Variants in LRRC47 observed in about 807,000 individuals in gnomAD.
The protein encoded by LRRC47 is leucine rich repeat containing 47, also known as leucine-rich repeat-containing protein 47.
Under a neutral mutation model 40.9 loss-of-function variants are expected in LRRC47, and 31 were observed. The ratio of observed to expected loss-of-function variants is 0.76; its 90% CI spans 0.57 to 1.02. The LOEUF is 1.02. Among genes scored for constraint, LRRC47 ranks in the 50% least tolerant of loss-of-function variants. The probability of loss-of-function intolerance (pLI) is 0.00; values close to 1 mark genes in which losing one functional copy is unlikely to be tolerated. For synonymous variants in LRRC47, 427 were observed against 371.9 expected (o/e 1.15, Z -1.70); for missense variants, 726 against 796.1 (o/e 0.91, Z 1.06).
chr1:3,785,288 T>G, intron 2 of LRRC47, 85 bp from the exon 3 acceptor site: 1 of 997,278 alleles, frequency 1.0e-6, no homozygotes, highest in East Asian at 3.1e-5. Flanking sequence ...GGCTGGGCTG[T>G]GTGCCAGGAA....
rs182210975 is a variant in LRRC47, at chr1:3,786,858, G to C, written c.1068C>G (p.Leu356=). 4 of 1,591,712 alleles carry C rather than the reference G, an allele frequency of 2.5e-6. No individual in the cohort carries two copies. The stretch of plus-strand genomic sequence containing the variant: ...CCCCACGGGCACCCACCTGCGAGGT[G>C]AGGAAGCGCTTGAGTGCATTCCCTG... ...LQPGNALKRF[L]TSQTKLHEDL... Residue 356 remains leucine, a synonymous_variant, in exon 2 of 7, where the codon CTC becomes CTG. Coordinates refer to ENST00000378251, the MANE Select transcript of LRRC47 (RefSeq NM_020710.3).
intron 1 of LRRC47, 141 bp downstream of exon 1, chr1:3,795,721 G>C (rs1380454804): frequency 1.8e-5 from 21 of 1,147,490 alleles, no homozygotes; most frequent in Non-Finnish European, 2.4e-5. Context: ...CCCCGCAGCT[G>C]GCTCCTTTCA....
chr1:3,783,959 C>T, intron 4 of LRRC47, 37 bp downstream of exon 4: 1 of 1,551,178 alleles, frequency 6.4e-7, no homozygotes, highest in Non-Finnish European at 8.7e-7. Flanking sequence ...CGGCACTCCC[C>T]CGGGCCCGGC....
At chr1:3,787,452 C>A in intron 1 of LRRC47, 142 bp from the exon 2 acceptor site, 1 of 760,288 alleles carries the variant, frequency 1.3e-6, no homozygotes, top group Non-Finnish European at 2.1e-6. Context: ...TGGGGAGCCA[C>A]AAGTCATTCA....
At position 3,787,132 on chromosome 1, in the gene LRRC47, C is replaced by T; in HGVS notation, c.794G>A (p.Gly265Asp). Residue 265 changes from glycine (G) to aspartate (D), a missense_variant, in exon 2 of 7, where the codon GGC (glycine) becomes GAC (aspartate). By Grantham distance (94) the Gly-to-Asp change is moderately conservative. Transcript: ENST00000378251. ...CTCGGCACGGCCCTTGCCCTTCCCG[C>T]CACCACGGCCTCCGACGCGCAGGTA... is the stretch of plus-strand genomic sequence containing the variant. ...LEYLRVGGRGGGKGKGRAEGS... is the reference protein window; with the variant it reads ...LEYLRVGGRGDGKGKGRAEGS... The T allele has an allele frequency of 7.4e-6, 12 of 1,613,810 alleles. No individual in the cohort carries two copies. Among genetic ancestry groups the T allele is most frequent in the Non-Finnish European group, 1.0e-5 (12 of 1,180,036 alleles).
At chr1:3,789,457 A>G (rs1557643225) in intron 1 of LRRC47, among the ~76,000 whole-genome samples, 1 of 152,266 alleles carries the variant, frequency 6.6e-6, no homozygotes. Flanking sequence ...GCTGACAAAG[A>G]GCAAGTTCCT....
intron 2 of LRRC47, 133 bp from the exon 3 acceptor site, chr1:3,785,336 C>T: frequency 2.0e-6 from 1 of 497,950 alleles, no homozygotes; most frequent in South Asian, 4.2e-5. Context: ...CACGCCACGC[C>T]CCTTTCCGAG....
intron 1 of LRRC47, among the ~76,000 whole-genome samples, chr1:3,790,304 G>A (rs578085427): frequency 6.6e-6 from 1 of 152,350 alleles, no homozygotes; most frequent in African/African-American, 2.4e-5. Flanking sequence ...GGAAGCTGGG[G>A]GAGAGCCTTT....
chr1:3,795,703 G>A (rs1643666814), intron 1 of LRRC47, among the ~76,000 whole-genome samples, 159 bp downstream of exon 1: 1 of 152,250 alleles, frequency 6.6e-6, no homozygotes, highest in Non-Finnish European at 1.5e-5. Context: ...CTTCCCAGGG[G>A]TGATGCCCCC....
intron 4 of LRRC47, 120 bp from the exon 5 acceptor site, chr1:3,782,883 C>T (rs1643534645): frequency 1.4e-6 from 1 of 694,064 alleles, no homozygotes; most frequent in East Asian, 2.6e-5. Context: ...CTGCATGGGC[C>T]CAGGAGTTGG....
intron 1 of LRRC47, among the ~76,000 whole-genome samples, chr1:3,788,362 C>T (rs1315988719): frequency 1.3e-5 from 2 of 152,190 alleles, no homozygotes; most frequent in Non-Finnish European, 2.9e-5. Context: ...CTGGCAGCCT[C>T]GGTGCCGGCT....
intron 2 of LRRC47, 131 bp from the exon 3 acceptor site, chr1:3,785,334 G>GCCCCTTTCCGAGACAGGGCT (rs1643561960): frequency 2.0e-6 from 1 of 500,986 alleles, no homozygotes; most frequent in Non-Finnish European, 3.3e-6. Flanking sequence ...ACCACGCCAC[G>GCCCCTTTCCGAGACAGGGCT]CCCCTTTCCG....
chr1:3,796,219 C>G lies in LRRC47; in HGVS notation c.258G>C (p.Ala86=). ...GCTCGGGGCTCAGGCCGGGCCCCAG[C>G]GCGTTGCGCCGCAGCACGAGGCTGT... ...QLHSLVLRRN[A]LGPGLSPELG... is the part of the protein sequence containing the mutation. The change falls in exon 1 of 7, where the codon GCG becomes GCC. Residue 86 remains alanine (A), a synonymous_variant. Coordinates refer to ENST00000378251, the MANE Select transcript of LRRC47 (RefSeq NM_020710.3). 1 of 1,427,428 alleles carries G rather than the reference C, an allele frequency of 7.0e-7. No homozygotes were observed. Among genetic ancestry groups the G allele is most frequent in the Non-Finnish European group, 9.1e-7 (1 of 1,098,710 alleles). 88.4% of individuals were successfully genotyped at this position (1,427,428 alleles called of 1,614,324 possible).
chr1:3,790,703 C>G lies in LRRC47; in HGVS notation c.616-3393G>C, dbSNP rs534715399. Among the ~76,000 whole-genome samples, 409 of 152,340 alleles carry G rather than the reference C, an allele frequency of 2.7e-3. 2 individuals are homozygous for G. The highest frequency in any genetic ancestry group is 9.4e-3 in the African/African-American group (390 of 41,590). ...CACGCAGGCAGAGCTACTGCTGAGG[C>G]CATAGGACAGCAGAGGCCTCGTCCC... On this transcript the variant is annotated intron_variant, in intron 1 of 6. Coordinates refer to ENST00000378251, the MANE Select transcript of LRRC47 (RefSeq NM_020710.3).
At chr1:3,795,068 A>AAG (rs1553157095) in intron 1 of LRRC47, among the ~76,000 whole-genome samples, 4 of 151,838 alleles carry the variant, frequency 2.6e-5, no homozygotes, top group Non-Finnish European at 5.9e-5. Flanking sequence ...AAAAAAAAAA[A>AAG]AAAAAGAAAT....
chr1:3,791,754 C>CCT (rs1270787603), intron 1 of LRRC47, among the ~76,000 whole-genome samples: 1 of 151,956 alleles, frequency 6.6e-6, no homozygotes, highest in Admixed American at 6.6e-5. Flanking sequence ...CCGCACCCGG[C>CCT]CTCTCTCTCC....
intron 4 of LRRC47, among the ~76,000 whole-genome samples, chr1:3,783,508 A>G (rs998949660): frequency 6.6e-6 from 1 of 152,158 alleles, no homozygotes; most frequent in African/African-American, 2.4e-5. Flanking sequence ...ATTAAGTGTA[A>G]TATCAAGGGC....
At chr1:3,787,398 C>T in intron 1 of LRRC47, 88 bp from the exon 2 acceptor site, 2 of 1,312,796 alleles carry the variant, frequency 1.5e-6, no homozygotes, top group Non-Finnish European at 2.1e-6. Context: ...GACCACTCAT[C>T]ACTCACAAGA....
intron 1 of LRRC47, among the ~76,000 whole-genome samples, chr1:3,792,703 C>T (rs1326460274): frequency 6.6e-6 from 1 of 152,212 alleles, no homozygotes; most frequent in South Asian, 2.1e-4. Context: ...TCGTGATTCG[C>T]CCGCCTTGGC....
Sources: gnomAD v4.1 joint callset for allele counts (sites outside exome capture counted in the v4.1 genomes callset) on GRCh38, gnomAD v4.1.1 for gene constraint, MANE v1.5 for transcripts, NCBI Gene and HGNC (gene_info 2026-07-23, HGNC 2026-07-21) for gene names.